The following RAVER2 variants were observed in gnomAD, a reference collection of about 807,000 sequenced individuals.
RAVER2 encodes ribonucleoprotein PTB-binding 2.
Under a neutral mutation model 78.1 loss-of-function variants are expected in RAVER2, and 46 were observed. That is an observed-to-expected ratio of 0.59 (90% CI 0.46 to 0.75). The LOEUF is 0.75. Among genes scored for constraint, RAVER2 ranks in the 30% least tolerant of loss-of-function variants. The pLI is 0.00. For synonymous variants in RAVER2, 311 were observed against 313.3 expected, an observed-to-expected ratio of 0.99 and a Z score of 0.08; for missense variants, 793 against 837.5, an observed-to-expected ratio of 0.95 and a Z score of 0.66.
chr1:64,767,836 A>G (rs1013256931), intron 1 of RAVER2, among the ~76,000 whole-genome samples: 1 of 152,090 alleles, frequency 6.6e-6, no homozygotes, highest in African/African-American at 2.4e-5. Context: ...TCTAAGTACC[A>G]TCAGTCTAAC....
At chr1:64,804,939 T>G (rs1653371065) in intron 7 of RAVER2, 52 bp from the exon 8 acceptor site, 1 of 1,568,214 alleles carries the variant, frequency 6.4e-7, no homozygotes, top group African/African-American at 1.4e-5. Flanking sequence ...TGTAGCTTTT[T>G]TTAGGTTATA....
At chr1:64,778,309 G>A (rs1652530637) in intron 3 of RAVER2, among the ~76,000 whole-genome samples, 1 of 152,094 alleles carries the variant, frequency 6.6e-6, no homozygotes, top group Non-Finnish European at 1.5e-5. Flanking sequence ...GTATGCCTTA[G>A]CAAATCCATT....
chr1:64,823,938 C>T (rs1653945453), intron 11 of RAVER2, among the ~76,000 whole-genome samples: 1 of 151,690 alleles, frequency 6.6e-6, no homozygotes, highest in Non-Finnish European at 1.5e-5. Flanking sequence ...TCCCGAGTAG[C>T]TCGAATTACA....
intron 1 of RAVER2, among the ~76,000 whole-genome samples, chr1:64,753,112 G>T (rs924928685): frequency 2.0e-5 from 3 of 152,180 alleles, no homozygotes; most frequent in Non-Finnish European, 4.4e-5. Flanking sequence ...GGAGTACAGT[G>T]GCACAATCAT....
intron 11 of RAVER2, among the ~76,000 whole-genome samples, chr1:64,819,695 G>A (rs1325772854): frequency 6.6e-6 from 1 of 152,204 alleles, no homozygotes; most frequent in African/African-American, 2.4e-5. Flanking sequence ...ATTATAATTA[G>A]TATGCTGAAA....
intron 5 of RAVER2, among the ~76,000 whole-genome samples, chr1:64,797,106 G>A (rs565088556): frequency 2.6e-5 from 4 of 152,206 alleles, no homozygotes; most frequent in Admixed American, 6.5e-5. Context: ...TTAGAATTTA[G>A]ACTTGTTTCA....
rs56179197 is a variant in RAVER2 at position 64,824,932 on chromosome 1, CAAAAAAAAAAAAAA to C, written c.1930-5893_1930-5880del. ...GGCAACAGAGCGAGACCCTGTCTCC[CAAAAAAAAAAAAAA>C]AAAAAAAAAAAAATTAGTGCTGTGC... On this transcript the variant is annotated intron_variant, in intron 11 of 11. Coordinates refer to ENST00000294428, the Ensembl canonical transcript of RAVER2. Among the ~76,000 whole-genome samples, 7 of 79,392 alleles carry C rather than the reference CAAAAAAAAAAAAAA, an allele frequency of 8.8e-5. No individual in the cohort carries two copies. The East Asian group carries it at 1.1e-3, about 13-fold the overall frequency. The allele number at this position is 79,392 out of a possible 152,430, so 52.1% of individuals were successfully genotyped here. A position where few individuals can be genotyped will look rare whatever the true frequency, so the allele number is the denominator to read the frequency against.
At chr1:64,787,083 C>T (rs1401085861) in intron 4 of RAVER2, among the ~76,000 whole-genome samples, 1 of 152,096 alleles carries the variant, frequency 6.6e-6, no homozygotes, top group Non-Finnish European at 1.5e-5. Flanking sequence ...ATTGGTTATT[C>T]TTTAAAAACT....
chr1:64,775,764 A>G (rs190947480), intron 2 of RAVER2, among the ~76,000 whole-genome samples: 2 of 152,302 alleles, frequency 1.3e-5, no homozygotes, highest in East Asian at 3.9e-4. Context: ...CAGGCCTATA[A>G]TCCCAGCACT....
At position 64,745,389 on chromosome 1, in the gene RAVER2, G is replaced by A. The variant is rs1468863722; in HGVS notation, c.217G>A (p.Val73Met). Residue 73 changes from valine to methionine, a missense_variant, in exon 1 of 12, where the codon GTG (valine) becomes ATG (methionine). By Grantham distance (21) the Val-to-Met change is conservative. Coordinates refer to ENST00000294428, the Ensembl canonical transcript of RAVER2. This position sits in a 1 kb window ranked among gnomAD's most constrained non-coding sequence, Gnocchi z 4.3. Reference sequence around the variant, plus strand: ...GCTGAGCAACCGCAGGAAAATCCTGGTGAAAAACCTGCCCCAGGACAGCAA... The same window carrying A: ...GCTGAGCAACCGCAGGAAAATCCTGATGAAAAACCTGCCCCAGGACAGCAA... 28 of 1,541,318 alleles carry A rather than the reference G, an allele frequency of 1.8e-5. No homozygotes were observed. Among genetic ancestry groups the A allele is most frequent in the Non-Finnish European group, 2.4e-5 (27 of 1,142,042 alleles).
intron 1 of RAVER2, among the ~76,000 whole-genome samples, chr1:64,764,090 A>G (rs1652107319): frequency 6.6e-6 from 1 of 152,188 alleles, no homozygotes; most frequent in African/African-American, 2.4e-5. Context: ...ACATTGTTGT[A>G]TATTCCAAAA....
intron 1 of RAVER2, among the ~76,000 whole-genome samples, chr1:64,757,181 T>C (rs1239314187): frequency 6.6e-6 from 1 of 152,242 alleles, no homozygotes; most frequent in Non-Finnish European, 1.5e-5. Flanking sequence ...TGTCCTTTGT[T>C]TTCAACACAA....
rs1654116939 is a variant in RAVER2, at chr1:64,831,102, G to A, written c.*117G>A. 4.5e-6 allele frequency: 5 copies of A among 1,114,190 alleles called. No homozygotes were observed. The East Asian group carries it at 1.3e-4, about 28-fold the overall frequency. 69.0% of individuals were successfully genotyped at this position (1,114,190 alleles called of 1,614,324 possible). A position where few individuals can be genotyped will look rare whatever the true frequency, so the allele number is the denominator to read the frequency against. Reference sequence around the variant, plus strand: ...TTAAATACGGGTTTATAGTTTCCCAGAAGGAACTGTGTTGTGCAGCAGGCA... The same window carrying A: ...TTAAATACGGGTTTATAGTTTCCCAAAAGGAACTGTGTTGTGCAGCAGGCA... On this transcript the variant is annotated 3_prime_UTR_variant, in exon 12 of 12. Coordinates refer to ENST00000294428, the Ensembl canonical transcript of RAVER2.
At chr1:64,787,003 A>G (rs962099325) in intron 4 of RAVER2, among the ~76,000 whole-genome samples, 1 of 152,192 alleles carries the variant, frequency 6.6e-6, no homozygotes, top group African/African-American at 2.4e-5. Flanking sequence ...AACAATGCCA[A>G]GTCTATAGTA....
At chr1:64,781,722 G>A (rs1413607169) in intron 4 of RAVER2, 151 bp downstream of exon 4, 3 of 826,672 alleles carry the variant, frequency 3.6e-6, no homozygotes, top group African/African-American at 3.4e-5. Context: ...TTTTAAAAAA[G>A]GTTAGCTAAA....
intron 3 of RAVER2, among the ~76,000 whole-genome samples, chr1:64,780,252 T>C (rs1652592163): frequency 3.9e-5 from 6 of 152,172 alleles, no homozygotes; most frequent in Admixed American, 3.9e-4. Context: ...TAGTGGCTTT[T>C]ACAAACCTGA....
intron 11 of RAVER2, among the ~76,000 whole-genome samples, chr1:64,830,329 GT>G (rs1290525896): frequency 6.6e-6 from 1 of 152,172 alleles, no homozygotes; most frequent in African/African-American, 2.4e-5. Flanking sequence ...AAAGCTCTGA[GT>G]TTCCCATTGC....
At chr1:64,747,435 A>G (rs903676236) in intron 1 of RAVER2, among the ~76,000 whole-genome samples, 1 of 152,142 alleles carries the variant, frequency 6.6e-6, no homozygotes, top group Non-Finnish European at 1.5e-5. Context: ...TCAATTATTA[A>G]GTAATCAGAT....
chr1:64,786,083 T>G (rs987970979), intron 4 of RAVER2, among the ~76,000 whole-genome samples: 2 of 152,338 alleles, frequency 1.3e-5, no homozygotes, highest in South Asian at 2.1e-4. Flanking sequence ...TACAATACTT[T>G]GAAAATATTA....
Sources: allele counts gnomAD v4.1 joint callset (sites outside exome capture counted in the v4.1 genomes callset), GRCh38; gene constraint gnomAD v4.1.1; non-coding constraint Gnocchi (gnomAD v3.1); transcripts MANE v1.5; gene names NCBI Gene and HGNC (gene_info 2026-07-23, HGNC 2026-07-21).